Variants in ZNF521 observed in about 807,000 individuals in gnomAD.
ZNF521 encodes LYST-interacting protein 3.
A neutral mutation model predicts 105.5 loss-of-function variants in ZNF521; 14 were observed. The observed-to-expected ratio is 0.13, with a 90% CI of 0.09 to 0.21. The LOEUF is 0.21. ZNF521 is among the 10% of genes least tolerant of loss of function. The probability of loss-of-function intolerance (pLI) is 1.00; values close to 1 mark genes in which losing one functional copy is unlikely to be tolerated. For missense variants in ZNF521, 1,233 were observed against 1,629.7 expected, an observed-to-expected ratio of 0.76 and a Z score of 4.19; for synonymous variants, 635 against 606.0, an observed-to-expected ratio of 1.05 and a Z score of -0.70.
At chr18:25,192,451 A>C (rs986786348) in intron 5 of ZNF521, among the ~76,000 whole-genome samples, 8 of 152,174 alleles carry the variant, frequency 5.3e-5, no homozygotes, top group Non-Finnish European at 1.2e-4. Flanking sequence ...TAGGTGCCAC[A>C]GGAGCAAATG....
chr18:25,101,114 C>A (rs1472415574), intron 5 of ZNF521, among the ~76,000 whole-genome samples: 1 of 152,156 alleles, frequency 6.6e-6, no homozygotes, highest in Non-Finnish European at 1.5e-5. Flanking sequence ...ATGTGTACAT[C>A]ATTCATTCTT....
chr18:25,105,538 AAATAT>A (rs1475958578), intron 5 of ZNF521, among the ~76,000 whole-genome samples: 2 of 152,176 alleles, frequency 1.3e-5, no homozygotes, highest in African/African-American at 4.8e-5. Flanking sequence ...GGATGATTAT[AAATAT>A]AATAACTACT....
At chr18:25,342,358 T>C (rs1457903874) in intron 2 of ZNF521, among the ~76,000 whole-genome samples, 1 of 152,136 alleles carries the variant, frequency 6.6e-6, no homozygotes, top group Non-Finnish European at 1.5e-5. Context: ...TAGTACTTGG[T>C]AGATCAATGT....
intron 2 of ZNF521, among the ~76,000 whole-genome samples, chr18:25,328,217 G>A (rs967112599): frequency 6.6e-6 from 1 of 152,146 alleles, no homozygotes; most frequent in Non-Finnish European, 1.5e-5. Context: ...TTGAAGTTTA[G>A]ACTTTCTGTG....
chr18:25,270,921 C>G (rs1302126842), intron 3 of ZNF521, among the ~76,000 whole-genome samples: 4 of 152,106 alleles, frequency 2.6e-5, no homozygotes, highest in Non-Finnish European at 4.4e-5. Flanking sequence ...GAAGTTCTGG[C>G]CAGGGCAATC....
At chr18:25,146,878 T>C (rs1300174931) in intron 5 of ZNF521, among the ~76,000 whole-genome samples, 1 of 152,144 alleles carries the variant, frequency 6.6e-6, no homozygotes, top group African/African-American at 2.4e-5. Context: ...TAGATACAGG[T>C]ATAAATATCC....
intron 3 of ZNF521, among the ~76,000 whole-genome samples, chr18:25,283,298 C>T (rs1462183829): frequency 6.6e-6 from 1 of 152,196 alleles, no homozygotes; most frequent in Non-Finnish European, 1.5e-5. Context: ...CCCACTCTTG[C>T]CTCTCCTACT....
At chr18:25,266,158 A>C (rs1335497282) in intron 3 of ZNF521, among the ~76,000 whole-genome samples, 2 of 152,140 alleles carry the variant, frequency 1.3e-5, no homozygotes, top group African/African-American at 4.8e-5. Context: ...ATAAAAACTT[A>C]ACTGTATATT....
At chr18:25,176,506 A>G (rs552716638) in intron 5 of ZNF521, among the ~76,000 whole-genome samples, 1 of 152,292 alleles carries the variant, frequency 6.6e-6, no homozygotes, top group African/African-American at 2.4e-5. Context: ...CCAGGCATTC[A>G]TCATCTAGCC....
chr18:25,089,082 G>A (rs1444262724), intron 7 of ZNF521, among the ~76,000 whole-genome samples: 1 of 152,114 alleles, frequency 6.6e-6, no homozygotes, highest in African/African-American at 2.4e-5. Context: ...AAGCCCCTCA[G>A]GACAACAATA....
At chr18:25,265,440 C>A (rs1051518683) in intron 3 of ZNF521, among the ~76,000 whole-genome samples, 11 of 152,174 alleles carry the variant, frequency 7.2e-5, no homozygotes, top group Admixed American at 4.6e-4. Context: ...GTTTCTCTCT[C>A]CCCCTGATAT....
At chr18:25,345,666 C>T (rs1598495478) in intron 2 of ZNF521, among the ~76,000 whole-genome samples, 1 of 152,194 alleles carries the variant, frequency 6.6e-6, no homozygotes, top group East Asian at 1.9e-4. Context: ...CTTTGACTAG[C>T]ACTCATGGGA....
intron 2 of ZNF521, among the ~76,000 whole-genome samples, chr18:25,322,617 C>T (rs1913002900): frequency 6.7e-6 from 1 of 150,110 alleles, no homozygotes; most frequent in African/African-American, 2.4e-5. Flanking sequence ...CGGGAAATTA[C>T]CAGAATTAGC....
chr18:25,195,240 T>G lies in ZNF521; in HGVS notation c.3578A>C (p.Lys1193Thr), dbSNP rs755856573. 1.9e-6 allele frequency: 3 copies of G among 1,585,228 alleles called. No homozygotes were observed. Among genetic ancestry groups the G allele is most frequent in the African/African-American group, 1.4e-5 (1 of 72,712 alleles). The change falls in exon 5 of 8, where the codon AAG (lysine) becomes ACG (threonine). Residue 1193 changes from lysine (K) to threonine (T), a missense_variant. Lys to Thr is a moderately conservative substitution (Grantham distance 78, BLOSUM62 -1). Transcript: ENST00000361524. ...CTGACACTTGATGCATTGATAGGTCTTCTTCTGAGAAAACAAGTATAAACA... is the reference window on the plus strand; with the variant it reads ...CTGACACTTGATGCATTGATAGGTCGTCTTCTGAGAAAACAAGTATAAACA... Reference protein sequence around the residue: ...RISPSQSDEKKTYQCIKCQMV... With the variant: ...RISPSQSDEKTTYQCIKCQMV...
chr18:25,274,852 C>A (rs969550382), intron 3 of ZNF521, among the ~76,000 whole-genome samples: 3 of 151,952 alleles, frequency 2.0e-5, no homozygotes, highest in Non-Finnish European at 4.4e-5. Flanking sequence ...TATGGCTTGT[C>A]CCCTAGATTC....
At chr18:25,122,219 A>G (rs1228287920) in intron 5 of ZNF521, among the ~76,000 whole-genome samples, 1 of 152,200 alleles carries the variant, frequency 6.6e-6, no homozygotes, top group Non-Finnish European at 1.5e-5. Context: ...TTAAAGACAG[A>G]GCAACAGAAA....
chr18:25,226,264 G>T lies in ZNF521; in HGVS notation c.1654C>A (p.Pro552Thr), dbSNP rs771425667. The change falls in exon 4 of 8, where the codon CCC (proline) becomes ACC (threonine). Residue 552 changes from proline (P) to threonine (T), a missense_variant. By Grantham distance (38) the Pro-to-Thr change is conservative. This residue lies in a region of ZNF521 where 380 missense variants were observed against 478.0 expected (regional missense o/e 0.80). Coordinates refer to ENST00000361524, the MANE Select transcript of ZNF521 (RefSeq NM_015461.3). The surrounding 1 kb of genome is among the most constrained non-coding windows in gnomAD (Gnocchi z 4.1). ...SRFGSPVLGT[P>T]KEPVVEVYSC... ...TAGACTTCTACTACTGGTTCTTTGG[G>T]AGTCCCAAGCACTGGAGACCCAAAT... is the stretch of plus-strand genomic sequence containing the variant. 6.2e-7 allele frequency: 1 copy of T among 1,614,150 alleles called. No individual in the cohort carries two copies. The highest frequency in any genetic ancestry group is 8.5e-7 in the Non-Finnish European group (1 of 1,180,014).
intron 5 of ZNF521, among the ~76,000 whole-genome samples, chr18:25,123,184 GAAGT>G (rs1294476083): frequency 1.3e-5 from 2 of 151,648 alleles, no homozygotes; most frequent in Non-Finnish European, 2.9e-5. Flanking sequence ...TTAGAACAAA[GAAGT>G]AAGAGAAGCA....
intron 5 of ZNF521, among the ~76,000 whole-genome samples, chr18:25,106,441 G>T (rs1048501662): frequency 4.6e-5 from 7 of 152,142 alleles, no homozygotes; most frequent in South Asian, 4.1e-4. Context: ...ACATTTGATT[G>T]CATTAATTGA....
Sources: allele counts gnomAD v4.1 joint callset (sites outside exome capture counted in the v4.1 genomes callset), GRCh38; gene constraint gnomAD v4.1.1; regional missense constraint gnomAD v4.1.1; non-coding constraint Gnocchi (gnomAD v3.1); transcripts MANE v1.5; gene names NCBI Gene and HGNC (gene_info 2026-07-23, HGNC 2026-07-21).